The following INSC variants were observed in gnomAD, a reference collection of about 807,000 sequenced individuals.
The protein encoded by INSC is INSC spindle orientation adaptor protein.
In INSC, 67 loss-of-function variants were observed where a neutral mutation model predicts 58.6. The observed-to-expected ratio is 1.14, with a 90% CI of 0.94 to 1.40. INSC has a LOEUF of 1.40. INSC is among the 40% of genes most tolerant of loss of function. The pLI, the probability that INSC is intolerant of heterozygous loss-of-function variation, is 0.00. For missense variants in INSC, 714 were observed against 692.0 expected (o/e 1.03, Z -0.36); for synonymous variants, 262 against 276.1 (o/e 0.95, Z 0.51).
chr11:15,179,152 C>T (rs1254387943), intron 5 of INSC, among the ~76,000 whole-genome samples: 4 of 152,114 alleles, frequency 2.6e-5, no homozygotes, highest in Non-Finnish European at 5.9e-5. Context: ...GCCTCGTTTT[C>T]CTCCTCTATA....
intron 2 of INSC, among the ~76,000 whole-genome samples, chr11:15,153,119 T>C (rs1332091927): frequency 6.6e-6 from 1 of 152,218 alleles, no homozygotes; most frequent in Non-Finnish European, 1.5e-5. Flanking sequence ...TGAGGACATG[T>C]TGGTGACCTA....
the INSC span, among the ~76,000 whole-genome samples, chr11:15,268,322 G>T: frequency 6.6e-6 from 1 of 151,988 alleles, no homozygotes; most frequent in South Asian, 2.1e-4. Flanking sequence ...TGACTATAAA[G>T]AAACTACTTT....
rs115721965 is a variant in INSC at position 15,141,879 on chromosome 11, T to C, written c.-45-7251T>C. Reference sequence around the variant, plus strand: ...AGCTTGCACCTGCCTCTTAAATTAATCCTTGTTGCTGGTCTTACTTTCTGG... The same window carrying C: ...AGCTTGCACCTGCCTCTTAAATTAACCCTTGTTGCTGGTCTTACTTTCTGG... On this transcript the variant is annotated intron_variant, in intron 1 of 12. Coordinates refer to ENST00000379556, the MANE Select transcript of INSC (RefSeq NM_001042536.3). Among the ~76,000 whole-genome samples the C allele has an allele frequency of 8.6e-3, 1,304 of 152,248 alleles. 20 individuals are homozygous for C. Among genetic ancestry groups the C allele is most frequent in the African/African-American group, 0.03 (1,246 of 41,524 alleles).
the INSC span, among the ~76,000 whole-genome samples, chr11:15,255,736 A>ATGTGTGTGTGTG: frequency 0.023 from 3,392 of 147,998 alleles, 95 homozygotes; most frequent in African/African-American, 0.069. Context: ...AAGTGTGTGT[A>ATGTGTGTGTGTG]TGTGTGTGTG....
At chr11:15,236,239 C>T (rs188209927) in intron 10 of INSC, among the ~76,000 whole-genome samples, 29 of 151,024 alleles carry the variant, frequency 1.9e-4, no homozygotes, top group Admixed American at 1.4e-3. Context: ...GCAATAATAG[C>T]GTGACAGTGC....
chr11:15,268,039 C>T, the INSC span, among the ~76,000 whole-genome samples: 1 of 152,028 alleles, frequency 6.6e-6, no homozygotes, highest in African/African-American at 2.4e-5. Context: ...AGACTACCAA[C>T]CTCTGCCTGC....
At chr11:15,152,605 C>T (rs1172975898) in intron 2 of INSC, among the ~76,000 whole-genome samples, 1 of 152,202 alleles carries the variant, frequency 6.6e-6, no homozygotes, top group Non-Finnish European at 1.5e-5. Flanking sequence ...GAGGAACTCT[C>T]CAGCCTCTTC....
chr11:15,259,802 G>T, the INSC span, among the ~76,000 whole-genome samples: 2 of 152,118 alleles, frequency 1.3e-5, no homozygotes, highest in African/African-American at 2.4e-5. Context: ...TGACTTCAAA[G>T]CCTATGTTTG....
At chr11:15,233,165 C>G (rs1038044555) in intron 9 of INSC, among the ~76,000 whole-genome samples, 1 of 152,160 alleles carries the variant, frequency 6.6e-6, no homozygotes, top group African/African-American at 2.4e-5. Context: ...TCACCTAGGG[C>G]CTTTCTCAAG....
chr11:15,224,350 A>G (rs1014639934), intron 8 of INSC, among the ~76,000 whole-genome samples: 5 of 152,212 alleles, frequency 3.3e-5, no homozygotes, highest in African/African-American at 1.2e-4. Context: ...TGTTATTGGT[A>G]GAAAAAGGGT....
chr11:15,236,340 C>T (rs1852129932), intron 10 of INSC, among the ~76,000 whole-genome samples: 1 of 151,608 alleles, frequency 6.6e-6, no homozygotes, highest in African/African-American at 2.4e-5. Flanking sequence ...GAGGAGAAGG[C>T]AAATATTTCA....
chr11:15,119,299 C>T (rs906630790), intron 1 of INSC, among the ~76,000 whole-genome samples: 3 of 152,110 alleles, frequency 2.0e-5, no homozygotes, highest in Admixed American at 1.3e-4. Flanking sequence ...GTCTTTCAAC[C>T]CCCCACCAAC....
rs1369925788 is a variant in INSC, at chr11:15,230,006, T to A, written c.1170+4178T>A. Reference sequence around the variant, plus strand: ...ATATATATATATATATATATATATATATATATAATATATATATATATATAT... The same window carrying A: ...ATATATATATATATATATATATATAAATATATAATATATATATATATATAT... On this transcript the variant is annotated intron_variant, in intron 9 of 12. Coordinates refer to ENST00000379556, the MANE Select transcript of INSC (RefSeq NM_001042536.3). 1.5e-4 allele frequency among the ~76,000 whole-genome samples: 4 copies of A among 26,236 alleles called. No homozygotes were observed. In the South Asian group the frequency reaches 5.8e-3, roughly 38 times the overall value. 17.2% of individuals were successfully genotyped at this position (26,236 alleles called of 152,430 possible).
intron 6 of INSC, among the ~76,000 whole-genome samples, chr11:15,195,561 C>T (rs528403724): frequency 6.6e-6 from 1 of 152,312 alleles, no homozygotes; most frequent in Non-Finnish European, 1.5e-5. Context: ...CAGCTCCTAC[C>T]ACCTGCCTGC....
downstream of INSC, among the ~76,000 whole-genome samples, chr11:15,251,909 G>A (rs1852654682): frequency 6.6e-6 from 1 of 152,134 alleles, no homozygotes; most frequent in South Asian, 2.1e-4. Context: ...GAAAATGTAT[G>A]TTCACACAAA....
chr11:15,201,999 C>A (rs1355869322), intron 7 of INSC, among the ~76,000 whole-genome samples: 1 of 152,224 alleles, frequency 6.6e-6, no homozygotes, highest in East Asian at 1.9e-4. Context: ...TCCAAACCTA[C>A]TCAGATTATT....
intron 1 of INSC, among the ~76,000 whole-genome samples, chr11:15,119,278 T>A (rs1231988908): frequency 6.6e-6 from 1 of 152,132 alleles, no homozygotes; most frequent in South Asian, 2.1e-4. Flanking sequence ...TGTGTGGGGA[T>A]CTCTCCCTCT....
Position 15,225,648 on chromosome 11 carries a change from A to G in INSC, c.992-2A>G, listed in dbSNP as rs1851603719. 1.2e-6 allele frequency: 2 copies of G among 1,613,568 alleles called. No homozygotes were observed. The highest frequency in any genetic ancestry group is 2.7e-5 in the African/African-American group (2 of 74,926). ...GTTATTTTCTTTCTCTTTGCCATCC[A>G]GAACTGTGCCAAGAGGCCTCATCAG... On this transcript the variant is annotated splice_acceptor_variant, in intron 8 of 12. Coordinates refer to ENST00000379556, the MANE Select transcript of INSC (RefSeq NM_001042536.3). LOFTEE classifies it high-confidence loss of function.
chr11:15,260,341 C>T, the INSC span, among the ~76,000 whole-genome samples: 6 of 152,084 alleles, frequency 3.9e-5, no homozygotes, highest in South Asian at 2.1e-4. Flanking sequence ...AGCACTCTTA[C>T]GATGAAATGT....
Sources: allele counts gnomAD v4.1 joint callset (sites outside exome capture counted in the v4.1 genomes callset), GRCh38; gene constraint gnomAD v4.1.1; transcripts MANE v1.5; gene names NCBI Gene and HGNC (gene_info 2026-07-23, HGNC 2026-07-21).